Variants in SCFD2 observed in about 807,000 individuals in gnomAD.
SCFD2 encodes sec1 family domain containing 2, also known as sec1 family domain-containing protein 2.
SCFD2 carries 54 observed loss-of-function variants against 58.9 expected under a neutral mutation model. The ratio of observed to expected loss-of-function variants is 0.92; its 90% CI spans 0.74 to 1.15. SCFD2 has a LOEUF of 1.15. Among genes scored for constraint, SCFD2 ranks in the 50% most tolerant of loss-of-function variants. SCFD2 has a pLI of 0.00. For synonymous variants in SCFD2, 321 were observed against 335.9 expected (o/e 0.96, Z 0.49); for missense variants, 805 against 836.6 (o/e 0.96, Z 0.47).
intron 2 of SCFD2, among the ~76,000 whole-genome samples, chr4:53,345,416 A>G (rs1347240342): frequency 6.6e-6 from 1 of 152,224 alleles, no homozygotes; most frequent in African/African-American, 2.4e-5. Context: ...CACACCAGTT[A>G]GAATGGCGAT....
intron 5 of SCFD2, among the ~76,000 whole-genome samples, chr4:53,131,452 T>C (rs1725784141): frequency 6.6e-6 from 1 of 152,150 alleles, no homozygotes. Context: ...GGTGAGTCAA[T>C]GACTCCATTG....
intron 4 of SCFD2, among the ~76,000 whole-genome samples, chr4:53,236,805 CTGTTTTAT>C: frequency 7.2e-6 from 1 of 139,800 alleles, no homozygotes; most frequent in East Asian, 2.0e-4. Flanking sequence ...CTTAAAGTCA[CTGTTTTAT>C]TTATTTATTT....
intron 5 of SCFD2, among the ~76,000 whole-genome samples, chr4:53,142,455 A>G (rs1726198233): frequency 1.3e-5 from 2 of 152,240 alleles, no homozygotes; most frequent in South Asian, 2.1e-4. Flanking sequence ...CTCAGTAACA[A>G]GAAAGCCAAA....
At chr4:52,893,684 C>T (rs1285548318) in intron 7 of SCFD2, among the ~76,000 whole-genome samples, 4 of 152,192 alleles carry the variant, frequency 2.6e-5, no homozygotes, top group Non-Finnish European at 5.9e-5. Context: ...CAACTAGAGG[C>T]CCTTCCCTGG....
At chr4:53,200,345 T>C (rs1468778893) in intron 4 of SCFD2, among the ~76,000 whole-genome samples, 1 of 152,028 alleles carries the variant, frequency 6.6e-6, no homozygotes, top group African/African-American at 2.4e-5. Flanking sequence ...CCCATCCCTC[T>C]ACCTCCAAAC....
At chr4:53,254,628 T>A (rs1235172129) in intron 4 of SCFD2, among the ~76,000 whole-genome samples, 1 of 151,456 alleles carries the variant, frequency 6.6e-6, no homozygotes, top group African/African-American at 2.4e-5. Context: ...CTTGAGCCAC[T>A]GCACCTGGCC....
rs138747864 is a variant in SCFD2, at chr4:53,313,674, G to A, written c.1097C>T (p.Ala366Val). 1.0e-4 allele frequency: 165 copies of A among 1,613,754 alleles called. No individual in the cohort carries two copies. The Middle Eastern group carries it at 1.3e-3, about 13-fold the overall frequency. ...GATTGGCAGGTTTTCTCTGCTTGCC[G>A]CTTCCACTAGATGTCTCCGAACTTC... ...VMEVRRHLVE[A>V]ASRENLPIKM... The change falls in exon 3 of 9, where the codon GCG (alanine) becomes GTG (valine). Residue 366 changes from alanine to valine, a missense_variant. This residue lies in a region of SCFD2 where 633 missense variants were observed against 646.8 expected (regional missense o/e 0.98). Transcript: ENST00000401642.
rs144073951 is a variant in SCFD2, at chr4:53,233,409, C to T, written c.1311+40417G>A. Among the ~76,000 whole-genome samples, 36 of 152,248 alleles carry T rather than the reference C, an allele frequency of 2.4e-4. No homozygotes were observed. The East Asian group carries it at 5.8e-3, about 24-fold the overall frequency. On this transcript the variant is annotated intron_variant, in intron 4 of 8. Coordinates refer to ENST00000401642, the MANE Select transcript of SCFD2 (RefSeq NM_152540.4). ...CACAAAATGAAGACCCACCCATATG[C>T]GCCTTCAGTCACTGGCATAAGGTGT... is the stretch of plus-strand genomic sequence containing the variant.
chr4:53,329,851 A>T (rs1577973165), intron 2 of SCFD2, among the ~76,000 whole-genome samples: 5 of 152,066 alleles, frequency 3.3e-5, no homozygotes, highest in Admixed American at 3.3e-4. Context: ...CTTTGAAAAA[A>T]ATTTAGAAGA....
chr4:52,930,320 A>T (rs1288966326), intron 5 of SCFD2, among the ~76,000 whole-genome samples: 1 of 152,174 alleles, frequency 6.6e-6, no homozygotes, highest in Non-Finnish European at 1.5e-5. Flanking sequence ...AGAAAATTGA[A>T]ACTGGAACCC....
At chr4:52,974,244 A>T (rs1429668453) in intron 5 of SCFD2, among the ~76,000 whole-genome samples, 1 of 152,218 alleles carries the variant, frequency 6.6e-6, no homozygotes, top group Non-Finnish European at 1.5e-5. Flanking sequence ...CTGTTTGCAG[A>T]TGACATGATT....
At chr4:53,211,254 A>C (rs1288226799) in intron 4 of SCFD2, among the ~76,000 whole-genome samples, 1 of 151,630 alleles carries the variant, frequency 6.6e-6, no homozygotes, top group Non-Finnish European at 1.5e-5. Flanking sequence ...AAAAAAAAAA[A>C]AATCCAAGAG....
intron 5 of SCFD2, among the ~76,000 whole-genome samples, chr4:52,944,125 CTT>C (rs1242821068): frequency 1.3e-5 from 2 of 152,160 alleles, no homozygotes. Flanking sequence ...CATTCTGTCT[CTT>C]TTAGTTGTAT....
chr4:52,949,832 G>C (rs889555334), intron 5 of SCFD2: 2 of 152,186 alleles, frequency 1.3e-5, no homozygotes, highest in African/African-American at 4.8e-5. Flanking sequence ...CAAATTGTGA[G>C]AGTGCACAAG....
At chr4:52,906,397 C>T (rs976011488) in intron 7 of SCFD2, among the ~76,000 whole-genome samples, 1 of 152,186 alleles carries the variant, frequency 6.6e-6, no homozygotes, top group Admixed American at 6.5e-5. Context: ...AGTTTCTGTA[C>T]CAACTAGCCA....
At chr4:53,068,149 G>A (rs1723715321) in intron 5 of SCFD2, among the ~76,000 whole-genome samples, 2 of 152,074 alleles carry the variant, frequency 1.3e-5, no homozygotes, top group South Asian at 4.1e-4. Flanking sequence ...AAAATGTAAA[G>A]GGTCTTTCAA....
At chr4:53,282,915 T>A (rs1343567807) in intron 3 of SCFD2, among the ~76,000 whole-genome samples, 1 of 152,104 alleles carries the variant, frequency 6.6e-6, no homozygotes, top group Admixed American at 6.5e-5. Context: ...AGCTCCCACC[T>A]CGATAAGAGG....
intron 5 of SCFD2, among the ~76,000 whole-genome samples, chr4:53,051,904 T>C (rs1246519885): frequency 6.6e-6 from 1 of 152,096 alleles, no homozygotes; most frequent in African/African-American, 2.4e-5. Flanking sequence ...CTGAACATAT[T>C]AAAAAATGAG....
intron 4 of SCFD2, among the ~76,000 whole-genome samples, chr4:53,220,732 A>T (rs763340455): frequency 6.6e-6 from 1 of 152,248 alleles, no homozygotes; most frequent in Non-Finnish European, 1.5e-5. Flanking sequence ...GGCTTCACAC[A>T]TATCACAAGA....
Sources: allele counts gnomAD v4.1 joint callset (sites outside exome capture counted in the v4.1 genomes callset), GRCh38; gene constraint gnomAD v4.1.1; regional missense constraint gnomAD v4.1.1; transcripts MANE v1.5; gene names NCBI Gene and HGNC (gene_info 2026-07-23, HGNC 2026-07-21).